The following GRIA1 variants were observed in gnomAD, a reference collection of about 807,000 sequenced individuals.
GRIA1 encodes the protein glutamate receptor 1.
In GRIA1, 31 loss-of-function variants were observed where a neutral mutation model predicts 99.2. The observed-to-expected ratio is 0.31, with a 90% CI of 0.23 to 0.42. GRIA1 has a LOEUF of 0.42. Ranked by LOEUF, GRIA1 falls within the 10% of genes least tolerant of loss-of-function variation. The probability of loss-of-function intolerance (pLI) is 1.00; values close to 1 mark genes in which losing one functional copy is unlikely to be tolerated. For missense variants in GRIA1, 782 were observed against 1,157.5 expected (o/e 0.68, Z 4.71); for synonymous variants, 438 against 432.4 (o/e 1.01, Z -0.16).
rs1201374965 is a variant in GRIA1, at chr5:153,693,778, T to C, written c.1135-4266T>C. Among the ~76,000 whole-genome samples, 6 of 152,364 alleles carry C rather than the reference T, an allele frequency of 3.9e-5. No individual in the cohort carries two copies. In the South Asian group the frequency reaches 1.0e-3, roughly 26 times the overall value. On this transcript the variant is annotated intron_variant, in intron 8 of 15. Coordinates refer to ENST00000285900, the MANE Select transcript of GRIA1 (RefSeq NM_000827.4). ...ACCAACTACTAACTCTGATTTACTT[T>C]TAGAAAGAATCAAAATTCCTGCATA...
chr5:153,549,469 A>C (rs1240322636), intron 2 of GRIA1, among the ~76,000 whole-genome samples: 1 of 152,182 alleles, frequency 6.6e-6, no homozygotes, highest in African/African-American at 2.4e-5. Flanking sequence ...ACCCAGAAAC[A>C]GCAACAAAAT....
chr5:153,503,701 G>A lies in GRIA1; in HGVS notation c.220+9636G>A, dbSNP rs145972357. Among the ~76,000 whole-genome samples, 24 of 152,300 alleles carry A rather than the reference G, an allele frequency of 1.6e-4. No individual in the cohort carries two copies. The East Asian group carries it at 4.3e-3, about 27-fold the overall frequency. On this transcript the variant is annotated intron_variant, in intron 2 of 15. Transcript: ENST00000285900. ...TATGATTCAATCCATGAAAATGGAC[G>A]AAATATGTGGATCATAAGAGTTTCT...
intron 2 of GRIA1, among the ~76,000 whole-genome samples, chr5:153,631,754 G>A (rs1349084160): frequency 1.3e-5 from 2 of 152,064 alleles, no homozygotes; most frequent in Non-Finnish European, 2.9e-5. Context: ...TCAGTTAAGA[G>A]GGCTTCAACT....
At chr5:153,810,984 T>A (rs375218236) in intron 15 of GRIA1, 41 bp from the exon 16 acceptor site, 1 of 1,477,270 alleles carries the variant, frequency 6.8e-7, no homozygotes, top group Non-Finnish European at 9.5e-7. Context: ...TGCCTGTCAT[T>A]GCCAAGGACC....
At chr5:153,725,809 C>T (rs1333301771) in intron 11 of GRIA1, among the ~76,000 whole-genome samples, 1 of 131,142 alleles carries the variant, frequency 7.6e-6, no homozygotes, top group African/African-American at 3.0e-5. Flanking sequence ...TAACACCCCA[C>T]TGTCAATGTT....
chr5:153,495,110 A>C (rs1246881035), intron 2 of GRIA1, among the ~76,000 whole-genome samples: 2 of 152,214 alleles, frequency 1.3e-5, no homozygotes, highest in Non-Finnish European at 2.9e-5. Context: ...TTCTATCCCA[A>C]AGACCACTCC....
chr5:153,631,460 A>G (rs747167180), intron 2 of GRIA1, among the ~76,000 whole-genome samples: 7 of 152,240 alleles, frequency 4.6e-5, no homozygotes, highest in African/African-American at 7.2e-5. Flanking sequence ...ATTTAATTAA[A>G]ATGATGTGAA....
At chr5:153,565,799 T>C (rs922426569) in intron 2 of GRIA1, among the ~76,000 whole-genome samples, 1 of 150,446 alleles carries the variant, frequency 6.6e-6, no homozygotes, top group African/African-American at 2.4e-5. Flanking sequence ...TTATGGTATA[T>C]CCATAAAATG....
chr5:153,679,798 C>T (rs1756846698), intron 7 of GRIA1, among the ~76,000 whole-genome samples: 1 of 152,214 alleles, frequency 6.6e-6, no homozygotes, highest in Non-Finnish European at 1.5e-5. Context: ...TGTGGTTTAG[C>T]TTGTGTTAGA....
At chr5:153,501,184 A>G (rs1299044605) in intron 2 of GRIA1, among the ~76,000 whole-genome samples, 1 of 152,196 alleles carries the variant, frequency 6.6e-6, no homozygotes, top group Non-Finnish European at 1.5e-5. Flanking sequence ...CCTCAGATGA[A>G]TTCATTCAAT....
At chr5:153,492,287 C>G (rs1366588728) in intron 1 of GRIA1, 1 of 1,535,316 alleles carries the variant, frequency 6.5e-7, no homozygotes, top group Non-Finnish European at 8.7e-7. Flanking sequence ...TTCCTGACAC[C>G]TGTTAAGCTA....
At chr5:153,522,931 G>A (rs1041292458) in intron 2 of GRIA1, among the ~76,000 whole-genome samples, 1 of 151,826 alleles carries the variant, frequency 6.6e-6, no homozygotes, top group Admixed American at 6.6e-5. Flanking sequence ...TTAATGTTAG[G>A]TATGAATTCT....
At chr5:153,638,459 G>A (rs1753548459) in intron 2 of GRIA1, among the ~76,000 whole-genome samples, 1 of 152,208 alleles carries the variant, frequency 6.6e-6, no homozygotes, top group African/African-American at 2.4e-5. Flanking sequence ...TCTCCTCTCT[G>A]TTCACAGCAC....
intron 2 of GRIA1, among the ~76,000 whole-genome samples, chr5:153,555,593 A>G (rs1175954308): frequency 3.3e-5 from 5 of 152,140 alleles, no homozygotes; most frequent in Non-Finnish European, 5.9e-5. Context: ...CGCAAAGACC[A>G]GGGCCTCATG....
At chr5:153,631,599 G>A (rs1752969470) in intron 2 of GRIA1, among the ~76,000 whole-genome samples, 1 of 152,172 alleles carries the variant, frequency 6.6e-6, no homozygotes, top group Admixed American at 6.5e-5. Flanking sequence ...TTGGGGAAAA[G>A]CATGGAAGAA....
At chr5:153,569,589 A>T (rs1027385712) in intron 2 of GRIA1, among the ~76,000 whole-genome samples, 1 of 152,224 alleles carries the variant, frequency 6.6e-6, no homozygotes, top group Admixed American at 6.5e-5. Flanking sequence ...AATGATAATA[A>T]CATTGACCTG....
At chr5:153,677,332 A>T (rs939821966) in intron 7 of GRIA1, among the ~76,000 whole-genome samples, 171 bp downstream of exon 7, 7 of 149,112 alleles carry the variant, frequency 4.7e-5, no homozygotes, top group Non-Finnish European at 5.9e-5. Context: ...AGCTCATATA[A>T]AAAAAAAATG....
chr5:153,504,810 T>C (rs1755338911), intron 2 of GRIA1, among the ~76,000 whole-genome samples: 1 of 152,176 alleles, frequency 6.6e-6, no homozygotes, highest in Admixed American at 6.5e-5. Flanking sequence ...GGTTGTCGGC[T>C]GTAAAATGTT....
chr5:153,709,664 G>A (rs919998214), intron 11 of GRIA1, among the ~76,000 whole-genome samples: 3 of 152,102 alleles, frequency 2.0e-5, no homozygotes, highest in African/African-American at 7.2e-5. Context: ...ATAAGATGGC[G>A]GTTCCCAAAT....
Sources: gnomAD v4.1 joint callset for allele counts (sites outside exome capture counted in the v4.1 genomes callset) on GRCh38, gnomAD v4.1.1 for gene constraint, MANE v1.5 for transcripts, NCBI Gene and HGNC (gene_info 2026-07-23, HGNC 2026-07-21) for gene names.